Variants in DRC11 observed in about 807,000 individuals in gnomAD.
DRC11 encodes the protein IQ and AAA domain-containing protein 1.
the DRC11 span, among the ~76,000 whole-genome samples, chr2:236,394,399 G>A: frequency 6.6e-6 from 1 of 152,158 alleles, no homozygotes; most frequent in Admixed American, 6.5e-5. This position sits in a 1 kb window ranked among gnomAD's most constrained non-coding sequence, Gnocchi z 7.0. Context: ...CTGGGAGGCC[G>A]AGGTGGGCAG....
chr2:236,411,981 C>G, the DRC11 span, among the ~76,000 whole-genome samples: 18 of 149,832 alleles, frequency 1.2e-4, no homozygotes, highest in Non-Finnish European at 2.1e-4. Context: ...CACCAGCATG[C>G]CACATGTATA....
the DRC11 span, chr2:236,363,769 G>T: frequency 6.3e-7 from 1 of 1,590,280 alleles, no homozygotes; most frequent in Non-Finnish European, 8.6e-7. This position sits in a 1 kb window ranked among gnomAD's most constrained non-coding sequence, Gnocchi z 5.6. Flanking sequence ...ACCAAGAAAT[G>T]TAATCCATAC....
At chr2:236,429,042 C>T in the DRC11 span, among the ~76,000 whole-genome samples, 1 of 152,276 alleles carries the variant, frequency 6.6e-6, no homozygotes, top group African/African-American at 2.4e-5. This position sits in a 1 kb window ranked among gnomAD's most constrained non-coding sequence, Gnocchi z 5.9. Context: ...GAAGTAGTCA[C>T]CTCTTCCAGA....
the DRC11 span, among the ~76,000 whole-genome samples, chr2:236,373,992 C>T: frequency 6.6e-6 from 1 of 152,200 alleles, no homozygotes; most frequent in African/African-American, 2.4e-5. Flanking sequence ...AGCTCCTTCA[C>T]ACTTTCTTAT....
chr2:236,333,760 C>G, the DRC11 span, among the ~76,000 whole-genome samples: 1 of 152,170 alleles, frequency 6.6e-6, no homozygotes, highest in African/African-American at 2.4e-5. The surrounding 1 kb of genome is among the most constrained non-coding windows in gnomAD (Gnocchi z 6.0). Context: ...GTTTTCTGCC[C>G]AAATCATCCA....
chr2:236,443,005 G>A, the DRC11 span, among the ~76,000 whole-genome samples: 4 of 152,054 alleles, frequency 2.6e-5, no homozygotes, highest in South Asian at 6.2e-4. This position sits in a 1 kb window ranked among gnomAD's most constrained non-coding sequence, Gnocchi z 4.4. Flanking sequence ...CCCCTCACAG[G>A]TGTTTCTTGG....
At chr2:236,432,514 T>C in the DRC11 span, among the ~76,000 whole-genome samples, 18 of 152,338 alleles carry the variant, frequency 1.2e-4, no homozygotes, top group Middle Eastern at 0.01. Context: ...TTTTCATATG[T>C]TGAACATCTT....
At chr2:236,462,368 A>C in the DRC11 span, among the ~76,000 whole-genome samples, 1 of 152,092 alleles carries the variant, frequency 6.6e-6, no homozygotes, top group Non-Finnish European at 1.5e-5. This position sits in a 1 kb window ranked among gnomAD's most constrained non-coding sequence, Gnocchi z 6.4. Flanking sequence ...GCCATACCAC[A>C]TGGCTGTAGA....
the DRC11 span, among the ~76,000 whole-genome samples, chr2:236,397,964 T>A: frequency 1.4e-4 from 22 of 152,328 alleles, no homozygotes; most frequent in South Asian, 2.9e-3. The surrounding 1 kb of genome is among the most constrained non-coding windows in gnomAD (Gnocchi z 5.0). Context: ...TGAAGGAATA[T>A]GCAAGTGAAA....
At chr2:236,367,423 G>C in the DRC11 span, 5 of 151,608 alleles carry the variant, frequency 3.3e-5, no homozygotes, top group South Asian at 1.0e-3. The surrounding 1 kb of genome is among the most constrained non-coding windows in gnomAD (Gnocchi z 4.8). Flanking sequence ...CTTAAGTTCT[G>C]AAGTCAAAGT....
chr2:236,445,934 C>T, the DRC11 span, among the ~76,000 whole-genome samples: 4 of 152,272 alleles, frequency 2.6e-5, no homozygotes, highest in South Asian at 2.1e-4. This position sits in a 1 kb window ranked among gnomAD's most constrained non-coding sequence, Gnocchi z 4.8. Flanking sequence ...GGCCTCTGTT[C>T]CCACAGAGCT....
chr2:236,336,622 C>T, the DRC11 span, among the ~76,000 whole-genome samples: 2 of 152,244 alleles, frequency 1.3e-5, no homozygotes, highest in South Asian at 2.1e-4. This position sits in a 1 kb window ranked among gnomAD's most constrained non-coding sequence, Gnocchi z 7.3. Context: ...CCCTATCTCC[C>T]GCCTCCTCAG....
chr2:236,454,871 T>C, the DRC11 span: 1 of 152,222 alleles, frequency 6.6e-6, no homozygotes, highest in Non-Finnish European at 1.5e-5. The surrounding 1 kb of genome is among the most constrained non-coding windows in gnomAD (Gnocchi z 5.3). Flanking sequence ...ACTAGGCAGG[T>C]TTTTAGCCAA....
the DRC11 span, among the ~76,000 whole-genome samples, chr2:236,356,276 C>T: frequency 1.3e-5 from 2 of 152,208 alleles, no homozygotes; most frequent in Non-Finnish European, 2.9e-5. Flanking sequence ...CTTCCCTTGC[C>T]TGTCTAATGA....
chr2:236,481,427 A>G, the DRC11 span, among the ~76,000 whole-genome samples: 1 of 151,664 alleles, frequency 6.6e-6, no homozygotes, highest in African/African-American at 2.4e-5. Flanking sequence ...TAGAAGTCTG[A>G]TTTTCTTACT....
the DRC11 span, among the ~76,000 whole-genome samples, chr2:236,388,898 C>T: frequency 6.6e-6 from 1 of 152,170 alleles, no homozygotes; most frequent in Non-Finnish European, 1.5e-5. Context: ...CCCTCAGCTG[C>T]AGGTCTATTT....
the DRC11 span, among the ~76,000 whole-genome samples, chr2:236,316,145 T>TTCTCTCTCTCTC: frequency 4.3e-3 from 626 of 146,198 alleles, 5 homozygotes; most frequent in African/African-American, 0.014. The surrounding 1 kb of genome is among the most constrained non-coding windows in gnomAD (Gnocchi z 6.8). Flanking sequence ...ACTTATTTTC[T>TTCTCTCTCTCTC]TCTCTCTCTC....
the DRC11 span, among the ~76,000 whole-genome samples, chr2:236,319,521 T>C: frequency 2.0e-5 from 3 of 152,166 alleles, no homozygotes; most frequent in Non-Finnish European, 4.4e-5. The surrounding 1 kb of genome is among the most constrained non-coding windows in gnomAD (Gnocchi z 6.7). Context: ...TTTGCCACGT[T>C]GAGGAACTGG....
the DRC11 span, among the ~76,000 whole-genome samples, chr2:236,357,022 T>G: frequency 4.3e-4 from 56 of 129,184 alleles, 4 homozygotes; most frequent in African/African-American, 1.5e-3. Context: ...ATATTATATA[T>G]CTATATATTT....
Sources: gnomAD v4.1 joint callset for allele counts (sites outside exome capture counted in the v4.1 genomes callset) on GRCh38, gnomAD v4.1.1 for gene constraint, Gnocchi (gnomAD v3.1) non-coding constraint, MANE v1.5 for transcripts, NCBI Gene and HGNC (gene_info 2026-07-23, HGNC 2026-07-21) for gene names.